Variants in OR10T2 observed in about 807,000 individuals in gnomAD.
OR10T2 encodes the protein olfactory receptor 10T2.
For missense variants in OR10T2, 416 were observed against 372.3 expected (o/e 1.12, Z -0.97); for synonymous variants, 162 against 144.1 (o/e 1.12, Z -0.89).
Position 158,398,894 on chromosome 1 carries a change from A to C in OR10T2, c.573T>G (p.Thr191=). ...AAGCCAGCTCTTTCACATGGGTGTC[A>C]GTGCAGGCTAACTTGATAACAGGTG... ...DMAPVIKLAC[T]DTHVKELALF... Residue 191 remains threonine, a synonymous_variant, in exon 1 of 1, where the codon ACT becomes ACG. Coordinates refer to ENST00000334438, the MANE Select transcript of OR10T2 (RefSeq NM_001004475.1). The C allele has an allele frequency of 6.2e-7, 1 of 1,614,086 alleles. No individual in the cohort carries two copies.
In OR10T2 at chr1:158,398,887, G is replaced by A. The variant is rs970636735; in HGVS notation, c.580C>T (p.His194Tyr). The A allele has an allele frequency of 6.2e-7, 1 of 1,614,030 alleles. No individual in the cohort carries two copies. The change falls in exon 1 of 1, where the codon CAT (histidine) becomes TAT (tyrosine). Residue 194 changes from histidine to tyrosine, a missense_variant. Physicochemically the swap from His to Tyr is moderately conservative, Grantham distance 83. Transcript: ENST00000334438. ...PVIKLACTDT[H>Y]VKELALFSLS... is the part of the protein sequence containing the mutation. ...CTAAATAAAGCCAGCTCTTTCACAT[G>A]GGTGTCAGTGCAGGCTAACTTGATA...
At position 158,399,108 on chromosome 1, in the gene OR10T2, C is replaced by T. The variant is rs138364083; in HGVS notation, c.359G>A (p.Gly120Glu). 6.2e-7 allele frequency: 1 copy of T among 1,614,082 alleles called. No homozygotes were observed. The highest frequency in any genetic ancestry group is 8.5e-7 in the Non-Finnish European group (1 of 1,180,008). ...CTNCLLIAVM[G>E]YDRYVAICHP... ...ACAAATTGCTACATAGCGATCATAT[C>T]CCATCACAGCAATGAGGAGGCAGTT... Residue 120 changes from glycine to glutamate, a missense_variant, in exon 1 of 1, where the codon GGA becomes GAA. Coordinates refer to ENST00000334438, the MANE Select transcript of OR10T2 (RefSeq NM_001004475.1).
At position 158,399,255 on chromosome 1, in the gene OR10T2, T is replaced by C; in HGVS notation, c.212A>G (p.Glu71Gly). ...YGFLFILSFSESCYTFVIIPQ... is the reference protein window; with the variant it reads ...YGFLFILSFSGSCYTFVIIPQ... ...GATGATGACAAAAGTGTAGCAGGAC[T>C]CAGAAAATGAAAGGATGAATAGAAA... The change falls in exon 1 of 1, where the codon GAG (glutamate) becomes GGG (glycine). Residue 71 changes from glutamate (E) to glycine (G), a missense_variant. Physicochemically the swap from Glu to Gly is moderately conservative, Grantham distance 98. Coordinates refer to ENST00000334438, the MANE Select transcript of OR10T2 (RefSeq NM_001004475.1). The C allele has an allele frequency of 6.2e-7, 1 of 1,613,982 alleles. No individual in the cohort carries two copies. The highest frequency in any genetic ancestry group is 8.5e-7 in the Non-Finnish European group (1 of 1,179,956).
At position 158,398,761 on chromosome 1, in the gene OR10T2, T is replaced by A. The variant is rs747832692; in HGVS notation, c.706A>T (p.Lys236Ter). Reference sequence around the variant, plus strand: ...TGTGAGGCACAGGTGACAAAGGCCTTCTTGCCCTCAGCTGAGGGGATCTTC... The same window carrying A: ...TGTGAGGCACAGGTGACAAAGGCCTACTTGCCCTCAGCTGAGGGGATCTTC... ...ILKIPSAEGK[K>*]AFVTCASHLT... Residue 236 changes from lysine to a stop codon, truncating the protein, a stop_gained, in exon 1 of 1, where the codon AAG becomes TAG. Transcript: ENST00000334438. LOFTEE classifies it low-confidence loss of function (END_TRUNC). 2.5e-6 allele frequency: 4 copies of A among 1,614,068 alleles called. No homozygotes were observed. Among genetic ancestry groups the A allele is most frequent in the Non-Finnish European group, 2.5e-6 (3 of 1,179,984 alleles).
In OR10T2 at chr1:158,398,806, A is replaced by G. The variant is rs1654728919; in HGVS notation, c.661T>C (p.Phe221Leu). The G allele has an allele frequency of 6.2e-7, 1 of 1,614,014 alleles. No individual in the cohort carries two copies. The change falls in exon 1 of 1, where the codon TTC becomes CTC. Residue 221 changes from phenylalanine to leucine, a missense_variant. Phe to Leu is a conservative substitution (Grantham distance 22). Transcript: ENST00000334438. ...ATCTTCAGGATGGTGTTAACTATGA[A>G]GCCATAGGATATGAGAATTAACAGA... ...PFLLILISYGFIVNTILKIPS... is the reference protein window; with the variant it reads ...PFLLILISYGLIVNTILKIPS...
chr1:158,399,086 A>G lies in OR10T2; in HGVS notation c.381T>C (p.Ile127=). 1 of 1,614,150 alleles carries G rather than the reference A, an allele frequency of 6.2e-7. No individual in the cohort carries two copies. The highest frequency in any genetic ancestry group is 8.5e-7 in the Non-Finnish European group (1 of 1,180,020). Residue 127 remains isoleucine, a synonymous_variant, in exon 1 of 1, where the codon ATT becomes ATC. Coordinates refer to ENST00000334438, the MANE Select transcript of OR10T2 (RefSeq NM_001004475.1). ...TGAGTGTGTACCTCAGAGGGTGACA[A>G]ATTGCTACATAGCGATCATATCCCA... ...AVMGYDRYVA[I]CHPLRYTLII...
At position 158,399,413 on chromosome 1, in the gene OR10T2, G is replaced by T; in HGVS notation, c.54C>A (p.Phe18Leu). The change falls in exon 1 of 1, where the codon TTC (phenylalanine) becomes TTA (leucine). Residue 18 changes from phenylalanine to leucine, a missense_variant. Coordinates refer to ENST00000334438, the MANE Select transcript of OR10T2 (RefSeq NM_001004475.1). ...TVVTQFILVG[F>L]SSLGELQLLL... ...GCAGCTGGAGCTCCCCCAGGCTGGA[G>T]AAACCCACCAGGATGAACTGTGTAA... is the stretch of plus-strand genomic sequence containing the variant. 6.2e-7 allele frequency: 1 copy of T among 1,614,084 alleles called. No individual in the cohort carries two copies. Among genetic ancestry groups the T allele is most frequent in the Non-Finnish European group, 8.5e-7 (1 of 1,180,000 alleles).
At position 158,398,630 on chromosome 1, in the gene OR10T2, T is replaced by A. The variant is rs751322689; in HGVS notation, c.837A>T (p.Thr279=). 3.7e-6 allele frequency: 6 copies of A among 1,613,486 alleles called. No homozygotes were observed. In the South Asian group the frequency reaches 5.5e-5, roughly 15 times the overall value. Residue 279 remains threonine, a synonymous_variant, in exon 1 of 1, where the codon ACA becomes ACT. Transcript: ENST00000334438. ...GAGGATTAAGTAAGGGAGTAACCAC[T>A]GTGTAGGTCACTGCCACCAACTGAT... ...DKDQLVAVTY[T]VVTPLLNPLV...
chr1:158,398,952 G>A lies in OR10T2; in HGVS notation c.515C>T (p.Pro172Leu), dbSNP rs770440051. ...ACAGAAATAGTGGTTAACCCTGTTG[G>A]GGCCACAAAAACGCATGTCACAAAT... ...NLICDMRFCG[P>L]NRVNHYFCDM... is the part of the protein sequence containing the mutation. The change falls in exon 1 of 1, where the codon CCC (proline) becomes CTC (leucine). Residue 172 changes from proline (P) to leucine (L), a missense_variant. Physicochemically the swap from Pro to Leu is moderately conservative, Grantham distance 98. Transcript: ENST00000334438. The A allele has an allele frequency of 3.1e-6, 5 of 1,613,876 alleles. No individual in the cohort carries two copies. Among genetic ancestry groups the A allele is most frequent in the South Asian group, 1.1e-5 (1 of 91,076 alleles).
chr1:158,399,198 G>T lies in OR10T2; in HGVS notation c.269C>A (p.Thr90Asn), dbSNP rs1355266739. The T allele has an allele frequency of 6.2e-7, 1 of 1,614,210 alleles. No individual in the cohort carries two copies. The highest frequency in any genetic ancestry group is 8.5e-7 in the Non-Finnish European group (1 of 1,180,020). Residue 90 changes from threonine (T) to asparagine (N), a missense_variant, in exon 1 of 1, where the codon ACC (threonine) becomes AAC (asparagine). Thr to Asn is a moderately conservative substitution (Grantham distance 65). Transcript: ENST00000334438. Reference protein sequence around the residue: ...PQLLVHLLSDTKTISFMACAT... With the variant: ...PQLLVHLLSDNKTISFMACAT... ...ACAGGCCATGAAGGAGATGGTCTTG[G>T]TGTCTGAGAGCAGGTGGACCAGCAG...
At position 158,399,029 on chromosome 1, in the gene OR10T2, A is replaced by G; in HGVS notation, c.438T>C (p.Ile146=). The G allele has an allele frequency of 6.2e-7, 1 of 1,614,178 alleles. No homozygotes were observed. Among genetic ancestry groups the G allele is most frequent in the Non-Finnish European group, 8.5e-7 (1 of 1,180,018 alleles). The part of the protein sequence containing the change: ...IINKRLGLEL[I]SLSGATGFFI... ...AGAAACCTGTGGCTCCTGAGAGAGAAATCAACTCCAACCCCAGCCTTTTGT... is the reference window on the plus strand; with the variant it reads ...AGAAACCTGTGGCTCCTGAGAGAGAGATCAACTCCAACCCCAGCCTTTTGT... Residue 146 remains isoleucine (I), a synonymous_variant, in exon 1 of 1, where the codon ATT becomes ATC. Coordinates refer to ENST00000334438, the MANE Select transcript of OR10T2 (RefSeq NM_001004475.1).
Position 158,399,294 on chromosome 1 carries a change from G to C in OR10T2, c.173C>G (p.Thr58Ser), listed in dbSNP as rs1654746268. The part of the protein sequence containing the change: ...AVIRFSWTLH[T>S]PMYGFLFILS... ...GATGAATAGAAAGCCATACATGGGA[G>C]TGTGGAGAGTCCAGCTGAAGCGAAT... is the stretch of plus-strand genomic sequence containing the variant. Residue 58 changes from threonine (T) to serine (S), a missense_variant, in exon 1 of 1, where the codon ACT becomes AGT. Transcript: ENST00000334438. 1 of 1,614,086 alleles carries C rather than the reference G, an allele frequency of 6.2e-7. No homozygotes were observed. The highest frequency in any genetic ancestry group is 8.5e-7 in the Non-Finnish European group (1 of 1,179,986).
rs1042838890 is a variant in OR10T2, at chr1:158,398,904, A to G, written c.563T>C (p.Leu188Ser). The stretch of plus-strand genomic sequence containing the variant: ...TTTCACATGGGTGTCAGTGCAGGCT[A>G]ACTTGATAACAGGTGCCATGTCACA... ...YFCDMAPVIK[L>S]ACTDTHVKEL... Residue 188 changes from leucine (L) to serine (S), a missense_variant, in exon 1 of 1, where the codon TTA becomes TCA. Physicochemically the swap from Leu to Ser is moderately radical, Grantham distance 145. Transcript: ENST00000334438. 1 of 1,614,050 alleles carries G rather than the reference A, an allele frequency of 6.2e-7. No individual in the cohort carries two copies. The highest frequency in any genetic ancestry group is 8.5e-7 in the Non-Finnish European group (1 of 1,179,996).
Position 158,399,328 on chromosome 1 carries a change from T to A in OR10T2, c.139A>T (p.Met47Leu), listed in dbSNP as rs763461157. 1.2e-6 allele frequency: 2 copies of A among 1,613,952 alleles called. No homozygotes were observed. Among genetic ancestry groups the A allele is most frequent in the Non-Finnish European group, 1.7e-6 (2 of 1,179,904 alleles). ...GTCCAGCTGAAGCGAATAACGGCCA[T>A]GATGGTCACATTGGCCACCAGGATT... is the stretch of plus-strand genomic sequence containing the variant. ...LTILVANVTI[M>L]AVIRFSWTLH... Residue 47 changes from methionine (M) to leucine (L), a missense_variant, in exon 1 of 1, where the codon ATG (methionine) becomes TTG (leucine). Coordinates refer to ENST00000334438, the MANE Select transcript of OR10T2 (RefSeq NM_001004475.1).
rs1347166834 is a variant in OR10T2, at chr1:158,398,593, G to T, written c.874C>A (p.Leu292Met). 1.9e-6 allele frequency: 3 copies of T among 1,613,786 alleles called. No homozygotes were observed. Among genetic ancestry groups the T allele is most frequent in the Middle Eastern group, 1.7e-4 (1 of 6,060 alleles). ...GCAGTTTTTACCTCTTTGTTCCTCAGACTGTAGACAAGAGGATTAAGTAAG... is the reference window on the plus strand; with the variant it reads ...GCAGTTTTTACCTCTTTGTTCCTCATACTGTAGACAAGAGGATTAAGTAAG... Reference protein sequence around the residue: ...TPLLNPLVYSLRNKEVKTALK... With the variant: ...TPLLNPLVYSMRNKEVKTALK... Residue 292 changes from leucine (L) to methionine (M), a missense_variant, in exon 1 of 1, where the codon CTG (leucine) becomes ATG (methionine). Leu to Met is a conservative substitution (Grantham distance 15). Transcript: ENST00000334438.
rs1347307180 is a variant in OR10T2, at chr1:158,399,024, A to T, written c.443T>A (p.Leu148His). The T allele has an allele frequency of 2.5e-6, 4 of 1,614,078 alleles. No homozygotes were observed. The highest frequency in any genetic ancestry group is 3.4e-6 in the Non-Finnish European group (4 of 1,180,048). Residue 148 changes from leucine (L) to histidine (H), a missense_variant, in exon 1 of 1, where the codon CTC (leucine) becomes CAC (histidine). Coordinates refer to ENST00000334438, the MANE Select transcript of OR10T2 (RefSeq NM_001004475.1). The stretch of plus-strand genomic sequence containing the variant: ...AATAAAGAAACCTGTGGCTCCTGAG[A>T]GAGAAATCAACTCCAACCCCAGCCT... Reference protein sequence around the residue: ...NKRLGLELISLSGATGFFIAL... With the variant: ...NKRLGLELISHSGATGFFIAL...
chr1:158,399,103 C>T lies in OR10T2; in HGVS notation c.364G>A (p.Asp122Asn), dbSNP rs866824455. Residue 122 changes from aspartate (D) to asparagine (N), a missense_variant, in exon 1 of 1, where the codon GAT (aspartate) becomes AAT (asparagine). Physicochemically the swap from Asp to Asn is conservative, Grantham distance 23. Transcript: ENST00000334438. The part of the protein sequence containing the change: ...NCLLIAVMGY[D>N]RYVAICHPLR... ...GGGTGACAAATTGCTACATAGCGAT[C>T]ATATCCCATCACAGCAATGAGGAGG... The T allele has an allele frequency of 1.2e-6, 2 of 1,614,072 alleles. No individual in the cohort carries two copies. The highest frequency in any genetic ancestry group is 1.7e-6 in the Non-Finnish European group (2 of 1,180,000).
chr1:158,399,235 T>C lies in OR10T2; in HGVS notation c.232A>G (p.Ile78Val), dbSNP rs6662597. ...AGGTGGACCAGCAGCTGAGGGATGA[T>C]GACAAAAGTGTAGCAGGACTCAGAA... ...SFSESCYTFV[I>V]IPQLLVHLLS... is the part of the protein sequence containing the mutation. The change falls in exon 1 of 1, where the codon ATC (isoleucine) becomes GTC (valine). Residue 78 changes from isoleucine (I) to valine (V), a missense_variant. By Grantham distance (29) the Ile-to-Val change is conservative (BLOSUM62 3). Transcript: ENST00000334438. The C allele has an allele frequency of 1.8e-3, 2,974 of 1,614,058 alleles. 56 individuals carry two copies. The African/African-American group carries it at 0.035, about 19-fold the overall frequency.
chr1:158,398,873 C>T lies in OR10T2; in HGVS notation c.594G>A (p.Leu198=), dbSNP rs1229665613. ...CCAGGATGCTGAGGCTAAATAAAGC[C>T]AGCTCTTTCACATGGGTGTCAGTGC... ...LACTDTHVKE[L]ALFSLSILVI... is the part of the protein sequence containing the mutation. Residue 198 remains leucine (L), a synonymous_variant, in exon 1 of 1, where the codon CTG becomes CTA. Transcript: ENST00000334438. 2.5e-6 allele frequency: 4 copies of T among 1,613,976 alleles called. No homozygotes were observed. The highest frequency in any genetic ancestry group is 3.4e-6 in the Non-Finnish European group (4 of 1,180,010).
Sources: allele counts gnomAD v4.1 joint callset, GRCh38; gene constraint gnomAD v4.1.1; transcripts MANE v1.5; gene names NCBI Gene and HGNC (gene_info 2026-07-23, HGNC 2026-07-21).